The following HERC5 variants were observed in gnomAD, a reference collection of about 807,000 sequenced individuals.
HERC5 encodes E3 ISG15--protein ligase HERC5.
HERC5 carries 99 observed loss-of-function variants against 119.6 expected under a neutral mutation model. The ratio of observed to expected loss-of-function variants is 0.83; its 90% confidence interval spans 0.70 to 0.98. The LOEUF (loss-of-function observed/expected upper bound fraction) is 0.98, where lower values mean the gene tolerates loss of function less well. HERC5 is among the 50% of genes least tolerant of loss of function. HERC5 has a pLI of 0.00. For synonymous variants in HERC5, 478 were observed against 445.9 expected, an observed-to-expected ratio of 1.07 and a Z score of -0.91; for missense variants, 1,267 against 1,241.3, an observed-to-expected ratio of 1.02 and a Z score of -0.31.
chr4:88,457,791 G>A (rs1229017574), intron 1 of HERC5: 1 of 692,612 alleles, frequency 1.4e-6, no homozygotes, highest in Non-Finnish European at 2.0e-6. Context: ...GGGGCATGCG[G>A]GCACCGTCTT....
rs1000975571 is a variant in HERC5 at position 88,457,897 on chromosome 4, AAGT to A, written c.265+367_265+369del. On this transcript the variant is annotated intron_variant, in intron 1 of 22. Transcript: ENST00000264350. ...CATCTCCCACTGTCTCGTTTTGAGA[AAGT>A]AGTCACTGCTCCAACTTTGGGAGTC... 4.4e-5 allele frequency: 46 copies of A among 1,041,652 alleles called. No individual in the cohort carries two copies. In the African/African-American group the frequency reaches 7.1e-4, roughly 16 times the overall value. 64.5% of individuals were successfully genotyped at this position (1,041,652 alleles called of 1,614,324 possible).
intron 12 of HERC5, 107 bp downstream of exon 12, chr4:88,476,137 T>A (rs974376880): frequency 7.2e-6 from 6 of 828,968 alleles, no homozygotes; most frequent in Non-Finnish European, 7.5e-6. Context: ...CATTTTTTTT[T>A]AGTTCGTATT....
At position 88,463,632 on chromosome 4, in the gene HERC5, AC is replaced by A; in HGVS notation, c.780+12del. 1.2e-6 allele frequency: 2 copies of A among 1,605,118 alleles called. No individual in the cohort carries two copies. The highest frequency in any genetic ancestry group is 1.7e-6 in the Non-Finnish European group (2 of 1,173,902). On this transcript the variant is annotated intron_variant, in intron 5 of 22. Transcript: ENST00000264350. ...GTGCCCTACTCACACAGGTGGGTGT[AC>A]CCTTGTCTCTTTTTGGCTGTATTTT...
In HERC5 at chr4:88,463,629, T is replaced by G. The variant is rs767107833; in HGVS notation, c.780+6T>G. The G allele has an allele frequency of 6.2e-7, 1 of 1,607,216 alleles. No individual in the cohort carries two copies. Among genetic ancestry groups the G allele is most frequent in the East Asian group, 2.2e-5 (1 of 44,846 alleles). ...ACAGTGCCCTACTCACACAGGTGGGTGTACCCTTGTCTCTTTTTGGCTGTA... is the reference window on the plus strand; with the variant it reads ...ACAGTGCCCTACTCACACAGGTGGGGGTACCCTTGTCTCTTTTTGGCTGTA... On this transcript the variant is annotated splice_donor_region_variant and intron_variant, in intron 5 of 22. Transcript: ENST00000264350.
At chr4:88,476,345 C>T (rs974592111) in intron 12 of HERC5, among the ~76,000 whole-genome samples, 5 of 152,162 alleles carry the variant, frequency 3.3e-5, no homozygotes, top group Non-Finnish European at 7.3e-5. Context: ...GTACACCTTG[C>T]TGGAGTGCAG....
At chr4:88,480,418 A>G (rs1013304316) in intron 13 of HERC5, among the ~76,000 whole-genome samples, 3 of 149,848 alleles carry the variant, frequency 2.0e-5, no homozygotes, top group African/African-American at 7.3e-5. Context: ...TGACAGATAT[A>G]TATGCTGTTT....
At chr4:88,465,347 G>A (rs1444230730) in intron 6 of HERC5, among the ~76,000 whole-genome samples, 1 of 152,152 alleles carries the variant, frequency 6.6e-6, no homozygotes, top group African/African-American at 2.4e-5. Flanking sequence ...TAAACGTAGA[G>A]CAAAATTCAG....
Position 88,505,925 on chromosome 4 carries a change from T to G in HERC5, c.*47T>G, listed in dbSNP as rs775558041. 4.8e-5 allele frequency: 63 copies of G among 1,318,904 alleles called. No individual in the cohort carries two copies. Among genetic ancestry groups the G allele is most frequent in the Non-Finnish European group, 6.3e-5 (60 of 945,606 alleles). 81.7% of individuals were successfully genotyped at this position (1,318,904 alleles called of 1,614,324 possible). A position where few individuals can be genotyped will look rare whatever the true frequency, so the allele number is the denominator to read the frequency against. On this transcript the variant is annotated 3_prime_UTR_variant, in exon 23 of 23. Transcript: ENST00000264350. ...CTTATTTTGTTGTTGTTATCGTTGT[T>G]GTTGTTGTTGTTGTTGTTGTTTCTC...
Position 88,457,169 on chromosome 4 carries a change from T to C in HERC5, c.-101T>C. The C allele has an allele frequency of 8.1e-7, 1 of 1,235,864 alleles. No homozygotes were observed. Among genetic ancestry groups the C allele is most frequent in the Non-Finnish European group, 1.0e-6 (1 of 989,272 alleles). The allele number at this position is 1,235,864 out of a possible 1,614,324, so 76.6% of individuals were successfully genotyped here. A position where few individuals can be genotyped will look rare whatever the true frequency, so the allele number is the denominator to read the frequency against. ...CGCCACGCAGCTGCGCGCAGCTGGT[T>C]CCCGCTCTGCAGCGCAACGCCTGAG... On this transcript the variant is annotated 5_prime_UTR_variant, in exon 1 of 23. Coordinates refer to ENST00000264350, the MANE Select transcript of HERC5 (RefSeq NM_016323.4).
chr4:88,471,272 A>C (rs1247546354), intron 10 of HERC5, among the ~76,000 whole-genome samples: 1 of 151,950 alleles, frequency 6.6e-6, no homozygotes, highest in Non-Finnish European at 1.5e-5. Flanking sequence ...GCCCAGCTGG[A>C]TCATATTGTT....
chr4:88,463,969 C>CA lies in HERC5; in HGVS notation c.896dup (p.Ile300AspfsTer14), dbSNP rs1560598452. 1 of 1,613,048 alleles carries CA rather than the reference C, an allele frequency of 6.2e-7. No individual in the cohort carries two copies. Among genetic ancestry groups the CA allele is most frequent in the Non-Finnish European group, 8.5e-7 (1 of 1,179,678 alleles). On this transcript the variant is annotated frameshift_variant, in exon 6 of 23. Coordinates refer to ENST00000264350, the MANE Select transcript of HERC5 (RefSeq NM_016323.4). LOFTEE classifies it high-confidence loss of function. ...TGAGCTTGTTGGGTATAGAGTGACT[C>CA]AGATAGCATGTGGAAGGTAAGTTGT...
At chr4:88,474,078 T>C (rs1332757291) in intron 11 of HERC5, among the ~76,000 whole-genome samples, 5 of 152,226 alleles carry the variant, frequency 3.3e-5, no homozygotes, top group African/African-American at 9.6e-5. Context: ...ACTGTAATGA[T>C]GACTCGATGA....
chr4:88,492,682 G>A (rs765006268), intron 16 of HERC5, among the ~76,000 whole-genome samples: 26 of 152,008 alleles, frequency 1.7e-4, no homozygotes, highest in Non-Finnish European at 1.2e-4. Context: ...GGAGGCGGAG[G>A]TTGCAGTGAG....
rs184305329 is a variant in HERC5 at position 88,464,761 on chromosome 4, A to T, written c.911+776A>T. On this transcript the variant is annotated intron_variant, in intron 6 of 22. Transcript: ENST00000264350. ...GCACTGCCACAACTGGCTAATTTTT[A>T]AATTTTATTTATTTATTATTTTTTT... Among the ~76,000 whole-genome samples, 1,148 of 151,098 alleles carry T rather than the reference A, an allele frequency of 7.6e-3. 15 individuals are homozygous for T. The highest frequency in any genetic ancestry group is 0.026 in the African/African-American group (1,066 of 41,184).
At chr4:88,487,624 T>C (rs1185284805) in intron 15 of HERC5, among the ~76,000 whole-genome samples, 1 of 152,196 alleles carries the variant, frequency 6.6e-6, no homozygotes, top group Non-Finnish European at 1.5e-5. Context: ...AATAAATGGC[T>C]ACTACTCTGT....
At chr4:88,468,172 TTACTC>T (rs1196043144) in intron 7 of HERC5, among the ~76,000 whole-genome samples, 169 bp from the exon 8 acceptor site, 2 of 152,206 alleles carry the variant, frequency 1.3e-5, no homozygotes, top group Non-Finnish European at 2.9e-5. Context: ...CAACTAGACT[TTACTC>T]CAAAGGATAT....
At chr4:88,458,117 G>A in intron 1 of HERC5, 2 of 972,762 alleles carry the variant, frequency 2.1e-6, no homozygotes, top group Non-Finnish European at 2.4e-6. Flanking sequence ...TAAATTGCCT[G>A]TTTATCTTTG....
intron 11 of HERC5, among the ~76,000 whole-genome samples, chr4:88,475,280 A>T (rs1173310239): frequency 4.7e-5 from 7 of 149,528 alleles, no homozygotes; most frequent in African/African-American, 1.7e-4. Flanking sequence ...TCTATTGTTC[A>T]TTGAGTGTAA....
At chr4:88,490,988 T>A (rs1741617918) in intron 16 of HERC5, among the ~76,000 whole-genome samples, 1 of 152,216 alleles carries the variant, frequency 6.6e-6, no homozygotes, top group Admixed American at 6.5e-5. Flanking sequence ...TCCACTTTTA[T>A]ATATTGTTCA....
Sources: allele counts gnomAD v4.1 joint callset (sites outside exome capture counted in the v4.1 genomes callset), GRCh38; gene constraint gnomAD v4.1.1; transcripts MANE v1.5; gene names NCBI Gene and HGNC (gene_info 2026-07-23, HGNC 2026-07-21).